EXOC7: variants seen among roughly 807,000 people sequenced by gnomAD.
EXOC7 encodes exocyst complex component 7, also known as exocyst complex component Exo70.
Under a neutral mutation model 87.6 loss-of-function variants are expected in EXOC7, and 51 were observed. That is an observed-to-expected ratio of 0.58 (90% CI 0.46 to 0.73). EXOC7 has a LOEUF of 0.73. Among genes scored for constraint, EXOC7 ranks in the 30% least tolerant of loss-of-function variants. The pLI, the probability that EXOC7 is intolerant of heterozygous loss-of-function variation, is 0.00. For synonymous variants in EXOC7, 327 were observed against 357.1 expected, an observed-to-expected ratio of 0.92 and a Z score of 0.95; for missense variants, 744 against 888.4, an observed-to-expected ratio of 0.84 and a Z score of 2.07.
Position 76,084,286 on chromosome 17 carries a change from G to A in EXOC7, c.1780C>T (p.Arg594Trp), listed in dbSNP as rs867437804. 1.9e-6 allele frequency: 3 copies of A among 1,613,458 alleles called. No homozygotes were observed. The highest frequency in any genetic ancestry group is 1.1e-5 in the South Asian group (1 of 91,070). ...LPVFQPGVKL[R>W]DKERQIIKER... ...TTGATAATCTGCCGCTCCTTGTCCC[G>A]GAGCTGGGAAGCCAGGAGAGATAGC... Residue 594 changes from arginine (R) to tryptophan (W), a missense_variant, in exon 17 of 19, where the codon CGG becomes TGG. Arg to Trp is a moderately radical substitution (Grantham distance 101). This residue lies in a region of EXOC7 where 228 missense variants were observed against 298.6 expected (regional missense o/e 0.76). Coordinates refer to ENST00000589210, the MANE Select transcript of EXOC7 (RefSeq NM_001013839.4).
Position 76,101,427 on chromosome 17 carries a change from A to G in EXOC7, c.312-51T>C, listed in dbSNP as rs546223434. 5 of 1,600,912 alleles carry G rather than the reference A, an allele frequency of 3.1e-6. 1 individual carries two copies. The South Asian group carries it at 5.6e-5, about 18-fold the overall frequency. ...GCTGGGGCATGGGGGATGAAGAAGG[A>G]CTAAGGACACAGTATTTGGGAAAAA... On this transcript the variant is annotated intron_variant, in intron 3 of 18. Transcript: ENST00000589210.
Position 76,088,885 on chromosome 17 carries a change from G to A in EXOC7, c.1086C>T (p.Ile362=), listed in dbSNP as rs139326064. ...LDGLMLEGEN[I]VSAARKAIVR... ...CAATGGCCTTCCGGGCAGCAGACAC[G>A]ATGTTCTCCCCTTCAAGCATCAGCC... Residue 362 remains isoleucine, a synonymous_variant, in exon 9 of 19, where the codon ATC becomes ATT. Transcript: ENST00000589210. 34 of 1,613,564 alleles carry A rather than the reference G, an allele frequency of 2.1e-5. No homozygotes were observed. The Admixed American group carries it at 4.5e-4, about 21-fold the overall frequency.
At chr17:76,094,640 C>T in intron 5 of EXOC7, 59 bp from the exon 6 acceptor site, 1 of 1,533,356 alleles carries the variant, frequency 6.5e-7, no homozygotes, top group Non-Finnish European at 8.9e-7. Flanking sequence ...GCCTTGCAGA[C>T]CCACCATGTC....
intron 7 of EXOC7, chr17:76,090,549 C>T (rs2067432607): frequency 6.8e-7 from 1 of 1,467,896 alleles, no homozygotes; most frequent in Non-Finnish European, 9.2e-7. Flanking sequence ...CCCTGAGCCC[C>T]TCCTCTACCT....
intron 14 of EXOC7, 122 bp from the exon 15 acceptor site, chr17:76,085,531 A>G: frequency 6.6e-7 from 1 of 1,511,828 alleles, no homozygotes; most frequent in East Asian, 2.3e-5. Context: ...ATGGCATCCC[A>G]CCTTCCGGGT....
At chr17:76,086,552 A>G (rs2067220208) in intron 12 of EXOC7, among the ~76,000 whole-genome samples, 1 of 152,130 alleles carries the variant, frequency 6.6e-6, no homozygotes, top group Admixed American at 6.5e-5. Context: ...CCCCTCTACC[A>G]GACCCTACTG....
intron 4 of EXOC7, among the ~76,000 whole-genome samples, chr17:76,100,627 C>A (rs1241459651): frequency 1.4e-5 from 2 of 145,294 alleles, no homozygotes; most frequent in Non-Finnish European, 3.0e-5. Flanking sequence ...GAGCAAAACT[C>A]CATCTCAAAA....
At chr17:76,101,624 C>T in intron 3 of EXOC7, 55 bp downstream of exon 3, 4 of 1,549,372 alleles carry the variant, frequency 2.6e-6, no homozygotes, top group Non-Finnish European at 3.5e-6. Context: ...CAGACCAACC[C>T]TCCTGTTGGC....
chr17:76,083,998 G>C lies in EXOC7; in HGVS notation c.1952+8C>G. On this transcript the variant is annotated splice_region_variant and intron_variant, in intron 18 of 18. Coordinates refer to ENST00000589210, the MANE Select transcript of EXOC7 (RefSeq NM_001013839.4). ...CAGCACAGGCTGGGAGGGGAATGGA[G>C]GCCTCACTTCTGTAGAAAGGCCCCG... 1 of 1,556,242 alleles carries C rather than the reference G, an allele frequency of 6.4e-7. No homozygotes were observed. The highest frequency in any genetic ancestry group is 8.7e-7 in the Non-Finnish European group (1 of 1,155,664).
chr17:76,086,397 AGAGT>A (rs1352004262), intron 12 of EXOC7, among the ~76,000 whole-genome samples: 1 of 152,186 alleles, frequency 6.6e-6, no homozygotes, highest in Non-Finnish European at 1.5e-5. Context: ...TGGCAGGAAA[AGAGT>A]GAGATGCCAG....
At chr17:76,091,654 G>C in intron 6 of EXOC7, 1 of 173,370 alleles carries the variant, frequency 5.8e-6, no homozygotes, top group Non-Finnish European at 1.2e-5. Flanking sequence ...AAGCCAGCAG[G>C]CCCCCAGCCC....
intron 6 of EXOC7, 69 bp from the exon 7 acceptor site, chr17:76,091,304 C>A: frequency 7.3e-7 from 1 of 1,372,206 alleles, no homozygotes; most frequent in South Asian, 1.2e-5. Flanking sequence ...ACAGCAGCGG[C>A]CCTCCACCTG....
rs146722649 is a variant in EXOC7, at chr17:76,081,626, G to C, written c.*2022C>G. ...GGCACTGCTGTTGGCTGACGTGTGC[G>C]GGGGGTTGCTGCCCCTCCGGGCCAT... On this transcript the variant is annotated 3_prime_UTR_variant, in exon 19 of 19. Transcript: ENST00000589210. 193 of 1,613,940 alleles carry C rather than the reference G, an allele frequency of 1.2e-4. No individual in the cohort carries two copies. Among genetic ancestry groups the C allele is most frequent in the Middle Eastern group, 4.9e-4 (3 of 6,084 alleles).
At chr17:76,102,415 C>A (rs776745879) in intron 2 of EXOC7, among the ~76,000 whole-genome samples, 1 of 86,614 alleles carries the variant, frequency 1.2e-5, no homozygotes, top group Non-Finnish European at 2.1e-5. Flanking sequence ...TCTACACACA[C>A]AGACACACAC....
rs1310629937 is a variant in EXOC7 at position 76,091,237 on chromosome 17, T to C, written c.809-2A>G. ...GGTTCTGAGCCTTACGGATCGTCCC[T>C]GTCACCAGAGCCACACAGAGAGGAG... On this transcript the variant is annotated splice_acceptor_variant, in intron 6 of 18. Transcript: ENST00000589210. LOFTEE classifies it high-confidence loss of function. 3.1e-6 allele frequency: 5 copies of C among 1,613,682 alleles called. No homozygotes were observed. The highest frequency in any genetic ancestry group is 4.2e-6 in the Non-Finnish European group (5 of 1,179,784).
intron 1 of EXOC7, 86 bp downstream of exon 1, chr17:76,103,547 C>A: frequency 6.3e-7 from 1 of 1,584,970 alleles, no homozygotes. Flanking sequence ...CCTCCCACCC[C>A]TGCCTCCTCC....
intron 5 of EXOC7, among the ~76,000 whole-genome samples, chr17:76,095,858 A>G (rs542470788): frequency 6.6e-6 from 1 of 152,238 alleles, no homozygotes; most frequent in Non-Finnish European, 1.5e-5. Context: ...CCATTCATCA[A>G]TGCTGAAAAA....
Position 76,081,729 on chromosome 17 carries a change from G to GCTC in EXOC7, c.*1916_*1918dup, listed in dbSNP as rs747372789. Reference sequence around the variant, plus strand: ...TCCTCCCTGGTGCAGGCCCTGCCCAGCTCCTCCTCCTGCAACCCACTGCTC... The same window carrying GCTC: ...TCCTCCCTGGTGCAGGCCCTGCCCAGCTCCTCCTCCTCCTGCAACCCACTGCTC... On this transcript the variant is annotated 3_prime_UTR_variant, in exon 19 of 19. Transcript: ENST00000589210. 3.1e-6 allele frequency: 5 copies of GCTC among 1,613,932 alleles called. No individual in the cohort carries two copies. In the African/African-American group the frequency reaches 5.3e-5, roughly 17 times the overall value.
chr17:76,094,890 C>A (rs192260346), intron 5 of EXOC7, among the ~76,000 whole-genome samples: 2 of 151,960 alleles, frequency 1.3e-5, no homozygotes, highest in African/African-American at 2.4e-5. Flanking sequence ...GGATTACAGG[C>A]GTGAGTCACC....
Sources: allele counts gnomAD v4.1 joint callset (sites outside exome capture counted in the v4.1 genomes callset), GRCh38; gene constraint gnomAD v4.1.1; regional missense constraint gnomAD v4.1.1; transcripts MANE v1.5; gene names NCBI Gene and HGNC (gene_info 2026-07-23, HGNC 2026-07-21).